The following AFDN variants were observed in gnomAD, a reference collection of about 807,000 sequenced individuals.
The protein encoded by AFDN is afadin, adherens junction formation factor.
AFDN carries 68 observed loss-of-function variants against 216.6 expected under a neutral mutation model. The observed-to-expected ratio is 0.31, with a 90% CI of 0.26 to 0.38. The LOEUF is 0.38. AFDN is among the 10% of genes least tolerant of loss of function. AFDN has a pLI of 1.00. For synonymous variants in AFDN, 868 were observed against 853.7 expected, an observed-to-expected ratio of 1.02 and a Z score of -0.29; for missense variants, 2,136 against 2,342.0, an observed-to-expected ratio of 0.91 and a Z score of 1.82.
At chr6:167,868,007 C>T (rs555133519) in intron 2 of AFDN, among the ~76,000 whole-genome samples, 8 of 152,222 alleles carry the variant, frequency 5.3e-5, no homozygotes, top group South Asian at 2.1e-4. Context: ...ACCCTTGTGC[C>T]GTCACCATGC....
chr6:167,935,670 T>C (rs949656215), intron 23 of AFDN, among the ~76,000 whole-genome samples: 1 of 152,242 alleles, frequency 6.6e-6, no homozygotes, highest in Non-Finnish European at 1.5e-5. Context: ...TAATATCTTT[T>C]CAAATACCAT....
intron 32 of AFDN, 73 bp from the exon 33 acceptor site, chr6:167,969,041 C>T: frequency 1.7e-6 from 2 of 1,194,716 alleles, no homozygotes; most frequent in Middle Eastern, 1.9e-4. Flanking sequence ...TCTCTGAGCA[C>T]TGCATCTTTA....
Position 167,965,061 on chromosome 6 carries a change from CTGTT to C in AFDN, c.4969-695_4969-692del, listed in dbSNP as rs1433413576. 8 of 1,036,648 alleles carry C rather than the reference CTGTT, an allele frequency of 7.7e-6. No individual in the cohort carries two copies. In the African/African-American group the frequency reaches 1.3e-4, roughly 17 times the overall value. The allele number at this position is 1,036,648 out of a possible 1,614,324, so 64.2% of individuals were successfully genotyped here. ...AGTTCCTGGCTCTCTAATTTTCTGT[CTGTT>C]AGGGAGTTTCTTAAGATTTGAAATA... On this transcript the variant is annotated intron_variant, in intron 31 of 33. Transcript: ENST00000683244.
chr6:167,919,284 T>C (rs1324719387), intron 21 of AFDN, among the ~76,000 whole-genome samples: 2 of 152,252 alleles, frequency 1.3e-5, no homozygotes, highest in Non-Finnish European at 2.9e-5. Context: ...TAGCACTAAA[T>C]TGTAAACTTT....
rs1441298387 is a variant in AFDN, at chr6:167,891,404, GGTGGGTGTGTGTGTGTGT to G, written c.1177+379_1177+396del. Among the ~76,000 whole-genome samples, 218 of 138,154 alleles carry G rather than the reference GGTGGGTGTGTGTGTGTGT, an allele frequency of 1.6e-3. 1 individual carries two copies. Among genetic ancestry groups the G allele is most frequent in the African/African-American group, 5.8e-3 (201 of 34,710 alleles). 90.6% of individuals were successfully genotyped at this position (138,154 alleles called of 152,430 possible). A position where few individuals can be genotyped will look rare whatever the true frequency, so the allele number is the denominator to read the frequency against. ...TTACCTAGGGCAGATTTCATAAAGG[GGTGGGTGTGTGTGTGTGT>G]GTGTGTGTGTGTGTGTGTGTGTGTG... On this transcript the variant is annotated intron_variant, in intron 8 of 33. Coordinates refer to ENST00000683244, the MANE Select transcript of AFDN (RefSeq NM_001386888.1).
At chr6:167,906,411 C>T (rs546136563) in intron 12 of AFDN, among the ~76,000 whole-genome samples, 460 of 152,190 alleles carry the variant, frequency 3.0e-3, no homozygotes, top group South Asian at 5.6e-3. Context: ...CAGTAATAAT[C>T]GCTAGGTGAT....
Position 167,935,218 on chromosome 6 carries a change from C to T in AFDN, c.3100-7911C>T, listed in dbSNP as rs114788753. 7.0e-3 allele frequency among the ~76,000 whole-genome samples: 1,065 copies of T among 152,250 alleles called. 16 individuals carry two copies. The highest frequency in any genetic ancestry group is 0.024 in the African/African-American group (1,014 of 41,530). The stretch of plus-strand genomic sequence containing the variant: ...TTTTTAATGGAAAGAAAGGCAGTTT[C>T]AAGAGGCATTTTAAGATTAAAATGT... On this transcript the variant is annotated intron_variant, in intron 23 of 33. Coordinates refer to ENST00000683244, the MANE Select transcript of AFDN (RefSeq NM_001386888.1).
At chr6:167,889,396 A>G in intron 7 of AFDN, 70 bp downstream of exon 7, 1 of 1,044,932 alleles carries the variant, frequency 9.6e-7, no homozygotes, top group South Asian at 1.3e-5. Flanking sequence ...ACCTTATCAC[A>G]TGATGTAGGA....
chr6:167,861,144 T>C (rs1034996393), intron 1 of AFDN, among the ~76,000 whole-genome samples: 5 of 152,012 alleles, frequency 3.3e-5, no homozygotes, highest in African/African-American at 7.2e-5. Flanking sequence ...GTTTAGGAAC[T>C]TGATTTTATC....
At chr6:167,916,193 C>T (rs988251819) in intron 19 of AFDN, among the ~76,000 whole-genome samples, 1 of 152,200 alleles carries the variant, frequency 6.6e-6, no homozygotes, top group African/African-American at 2.4e-5. Flanking sequence ...CAGTCCCTGC[C>T]TTTGTCTTCG....
intron 23 of AFDN, among the ~76,000 whole-genome samples, chr6:167,939,525 A>G (rs1259596341): frequency 2.6e-5 from 4 of 152,246 alleles, no homozygotes; most frequent in Admixed American, 6.5e-5. Context: ...GACCACAGAT[A>G]AACTCTGCTG....
At chr6:167,965,589 CT>C (rs972060248) in intron 31 of AFDN, among the ~76,000 whole-genome samples, 167 bp from the exon 32 acceptor site, 11 of 152,196 alleles carry the variant, frequency 7.2e-5, no homozygotes, top group African/African-American at 2.7e-4. Flanking sequence ...ACTTGTAAGT[CT>C]AGGGAGAAGA....
intron 30 of AFDN, among the ~76,000 whole-genome samples, chr6:167,957,563 T>C (rs1796644278): frequency 6.6e-6 from 1 of 152,188 alleles, no homozygotes; most frequent in South Asian, 2.1e-4. Context: ...TGGAGGGATC[T>C]CCTTCAGCAC....
chr6:167,969,242 T>G (rs1313173304), intron 33 of AFDN, 44 bp downstream of exon 33: 1 of 1,455,892 alleles, frequency 6.9e-7, no homozygotes, highest in African/African-American at 1.4e-5. Context: ...CTGTACCTGA[T>G]GAGCCCTTTC....
intron 11 of AFDN, among the ~76,000 whole-genome samples, chr6:167,899,545 C>G: frequency 6.6e-6 from 1 of 152,210 alleles, no homozygotes; most frequent in East Asian, 1.9e-4. Context: ...TTGTCATTAG[C>G]TTTACATGGG....
At chr6:167,964,270 G>A (rs1797316820) in intron 31 of AFDN, 1 of 1,063,674 alleles carries the variant, frequency 9.4e-7, no homozygotes, top group African/African-American at 1.6e-5. Flanking sequence ...TCATTTGTTG[G>A]GTAGAATAAA....
intron 32 of AFDN, chr6:167,968,734 A>T: frequency 5.0e-6 from 1 of 199,876 alleles, no homozygotes; most frequent in Non-Finnish European, 1.0e-5. Flanking sequence ...TTGTATCTGC[A>T]TCACATCTTT....
Position 167,927,849 on chromosome 6 carries a change from G to A in AFDN, c.3099+2758G>A, listed in dbSNP as rs552573683. 2.0e-5 allele frequency among the ~76,000 whole-genome samples: 3 copies of A among 152,332 alleles called. No individual in the cohort carries two copies. In the East Asian group the frequency reaches 5.8e-4, roughly 29 times the overall value. ...CATTTGGAGATGTAAAAGGGGAACTGTCAGCCATAGAGCTATGTTTTCTCT... is the reference window on the plus strand; with the variant it reads ...CATTTGGAGATGTAAAAGGGGAACTATCAGCCATAGAGCTATGTTTTCTCT... On this transcript the variant is annotated intron_variant, in intron 23 of 33. Coordinates refer to ENST00000683244, the MANE Select transcript of AFDN (RefSeq NM_001386888.1).
intron 11 of AFDN, 31 bp from the exon 12 acceptor site, chr6:167,902,286 A>C (rs1789079767): frequency 1.3e-6 from 2 of 1,514,208 alleles, no homozygotes; most frequent in Admixed American, 3.4e-5. Flanking sequence ...AATGTTATTA[A>C]GTCAGTGTGT....
Sources: gnomAD v4.1 joint callset for allele counts (sites outside exome capture counted in the v4.1 genomes callset) on GRCh38, gnomAD v4.1.1 for gene constraint, MANE v1.5 for transcripts, NCBI Gene and HGNC (gene_info 2026-07-23, HGNC 2026-07-21) for gene names.